Variants in LRP1B observed in about 807,000 individuals in gnomAD.
LRP1B encodes low-density lipoprotein receptor-related protein 1B.
Under a neutral mutation model 556.6 loss-of-function variants are expected in LRP1B, and 217 were observed. That is an observed-to-expected ratio of 0.39 (90% CI 0.35 to 0.44). The LOEUF (loss-of-function observed/expected upper bound fraction) is 0.44, where lower values mean the gene tolerates loss of function less well. Ranked by LOEUF, LRP1B falls within the 20% of genes least tolerant of loss-of-function variation. LRP1B has a pLI of 1.00. For synonymous variants in LRP1B, 2,047 were observed against 1,865.8 expected (o/e 1.10, Z -2.50); for missense variants, 5,053 against 5,620.8 (o/e 0.90, Z 3.23).
intron 2 of LRP1B, among the ~76,000 whole-genome samples, chr2:141,679,074 T>C (rs1215872635): frequency 6.6e-6 from 1 of 152,160 alleles, no homozygotes; most frequent in Non-Finnish European, 1.5e-5. Flanking sequence ...AGCTGCCCTA[T>C]AGAATGGTGC....
intron 2 of LRP1B, among the ~76,000 whole-genome samples, chr2:141,581,671 C>A (rs1270691893): frequency 6.6e-6 from 1 of 152,146 alleles, no homozygotes; most frequent in Non-Finnish European, 1.5e-5. Context: ...GATGCTTCAA[C>A]CCTTCAAGGA....
chr2:140,304,996 T>C (rs543925191), intron 83 of LRP1B, among the ~76,000 whole-genome samples: 33 of 152,288 alleles, frequency 2.2e-4, no homozygotes, highest in African/African-American at 7.2e-4. Context: ...GAGGGCTCTG[T>C]TCTGTTCCAT....
intron 29 of LRP1B, among the ~76,000 whole-genome samples, chr2:140,843,324 A>G (rs1692179406): frequency 6.6e-6 from 1 of 152,040 alleles, no homozygotes; most frequent in Non-Finnish European, 1.5e-5. Flanking sequence ...TTACAATAGT[A>G]TCCAGCATTT....
intron 2 of LRP1B, among the ~76,000 whole-genome samples, chr2:141,510,810 T>C (rs531827610): frequency 8.0e-4 from 122 of 151,892 alleles, no homozygotes; most frequent in Non-Finnish European, 1.2e-3. Flanking sequence ...TCACCATCCT[T>C]ACATTATACA....
intron 3 of LRP1B, among the ~76,000 whole-genome samples, chr2:141,472,982 T>C (rs1339864084): frequency 6.6e-6 from 1 of 152,160 alleles, no homozygotes; most frequent in Non-Finnish European, 1.5e-5. Context: ...ACCTTTTGAA[T>C]TCTCAGCTAC....
intron 43 of LRP1B, among the ~76,000 whole-genome samples, chr2:140,566,450 T>C (rs2105092210): frequency 6.6e-6 from 1 of 152,218 alleles, no homozygotes; most frequent in East Asian, 1.9e-4. Context: ...ATCTATACCT[T>C]CTAGCCACTG....
At chr2:141,039,871 T>C (rs1274095867) in intron 11 of LRP1B, among the ~76,000 whole-genome samples, 1 of 152,108 alleles carries the variant, frequency 6.6e-6, no homozygotes, top group Non-Finnish European at 1.5e-5. Flanking sequence ...TTTTCAAACA[T>C]CTCATCTAGT....
intron 82 of LRP1B, among the ~76,000 whole-genome samples, chr2:140,316,856 T>C (rs1374236531): frequency 6.6e-6 from 1 of 152,104 alleles, no homozygotes; most frequent in Non-Finnish European, 1.5e-5. Context: ...ATCGACTGTA[T>C]CTAGACTAGG....
intron 1 of LRP1B, among the ~76,000 whole-genome samples, chr2:141,943,077 A>G (rs1700859676): frequency 1.3e-5 from 2 of 152,250 alleles, no homozygotes; most frequent in African/African-American, 4.8e-5. Flanking sequence ...TAGGCATTAG[A>G]TTTTAAAAGG....
At chr2:141,745,133 C>A (rs1693864877) in intron 2 of LRP1B, among the ~76,000 whole-genome samples, 1 of 152,124 alleles carries the variant, frequency 6.6e-6, no homozygotes, top group South Asian at 2.1e-4. Flanking sequence ...TGCTCTGAGT[C>A]TGACCTGAAG....
intron 2 of LRP1B, among the ~76,000 whole-genome samples, chr2:141,690,396 AATATATATATATATATATATATATATAT>A (rs762453747): frequency 3.7e-5 from 1 of 26,936 alleles, no homozygotes; most frequent in Admixed American, 4.7e-4. Flanking sequence ...TACATCTATA[AATATATATATATATATATATATATATAT>A]ATATATATAT....
At chr2:140,973,354 C>T (rs995137032) in intron 18 of LRP1B, among the ~76,000 whole-genome samples, 9 of 151,866 alleles carry the variant, frequency 5.9e-5, no homozygotes, top group African/African-American at 1.9e-4. Flanking sequence ...AACTAGAAGA[C>T]ATCAGTACTA....
chr2:141,754,553 GGTATGTGT>G (rs1694251689), intron 2 of LRP1B, among the ~76,000 whole-genome samples: 1 of 152,090 alleles, frequency 6.6e-6, no homozygotes, highest in South Asian at 2.1e-4. Flanking sequence ...CCAACATATA[GGTATGTGT>G]ATGCAAATTG....
At chr2:141,409,339 G>T (rs1020559275) in intron 3 of LRP1B, among the ~76,000 whole-genome samples, 1 of 151,998 alleles carries the variant, frequency 6.6e-6, no homozygotes, top group East Asian at 1.9e-4. Flanking sequence ...GTATCCATGG[G>T]CATTTATATA....
intron 2 of LRP1B, among the ~76,000 whole-genome samples, chr2:141,639,326 A>ATATATATATG (rs1689229180): frequency 4.3e-5 from 1 of 23,250 alleles, no homozygotes; most frequent in Admixed American, 5.9e-4. Context: ...ATATATATAT[A>ATATATATATG]TATATATATA....
rs770939865 is a variant in LRP1B at position 141,775,842 on chromosome 2, C to CTTTT, written c.205+34433_205+34436dup. Among the ~76,000 whole-genome samples the CTTTT allele has an allele frequency of 4.6e-4, 62 of 134,530 alleles. 1 individual carries two copies. The highest frequency in any genetic ancestry group is 5.3e-4 in the African/African-American group (19 of 35,728). The allele number at this position is 134,530 out of a possible 152,430, so 88.3% of individuals were successfully genotyped here. On this transcript the variant is annotated intron_variant, in intron 2 of 90. Transcript: ENST00000389484. ...TTATGGATGTACTCATCAGGTTTTC[C>CTTTT]TTTTTTTTTTTTTTTTCTGAGACGG...
At chr2:140,337,395 T>G (rs1032574489) in intron 77 of LRP1B, among the ~76,000 whole-genome samples, 1 of 151,990 alleles carries the variant, frequency 6.6e-6, no homozygotes, top group Non-Finnish European at 1.5e-5. Context: ...AAATGTCATA[T>G]AAATAATATT....
At chr2:140,268,619 T>C (rs1682316705) in intron 86 of LRP1B, among the ~76,000 whole-genome samples, 1 of 151,996 alleles carries the variant, frequency 6.6e-6, no homozygotes, top group African/African-American at 2.4e-5. Context: ...AAATGCACAA[T>C]GCAAAAATAA....
At chr2:141,029,006 T>A (rs2105410587) in intron 11 of LRP1B, among the ~76,000 whole-genome samples, 1 of 152,174 alleles carries the variant, frequency 6.6e-6, no homozygotes, top group Admixed American at 6.5e-5. Flanking sequence ...AAGGGCTGAC[T>A]GAGGAGGTGG....
Sources: gnomAD v4.1 joint callset for allele counts (sites outside exome capture counted in the v4.1 genomes callset) on GRCh38, gnomAD v4.1.1 for gene constraint, MANE v1.5 for transcripts, NCBI Gene and HGNC (gene_info 2026-07-23, HGNC 2026-07-21) for gene names.